The following BCAN variants were observed in gnomAD, a reference collection of about 807,000 sequenced individuals.
BCAN encodes brevican core protein.
A neutral mutation model predicts 92.4 loss-of-function variants in BCAN; 51 were observed. The ratio of observed to expected loss-of-function variants is 0.55; its 90% CI spans 0.44 to 0.70. BCAN has a LOEUF of 0.70. Ranked by LOEUF, BCAN falls within the 30% of genes least tolerant of loss-of-function variation. The probability of loss-of-function intolerance (pLI) is 0.00; values close to 1 mark genes in which losing one functional copy is unlikely to be tolerated. For synonymous variants in BCAN, 501 were observed against 505.2 expected, an observed-to-expected ratio of 0.99 and a Z score of 0.11; for missense variants, 1,140 against 1,212.1, an observed-to-expected ratio of 0.94 and a Z score of 0.88.
Position 156,659,102 on chromosome 1 carries a change from A to G in BCAN, c.2704A>G (p.Ile902Val), listed in dbSNP as rs1679441235. Residue 902 changes from isoleucine (I) to valine (V), a missense_variant, in exon 14 of 14, where the codon ATC becomes GTC. By Grantham distance (29) the Ile-to-Val change is conservative. Coordinates refer to ENST00000329117, the MANE Select transcript of BCAN (RefSeq NM_021948.5). ...ACTGGGACGCTGGAAGGCGCTGTTG[A>G]TCCCCCCTTCCAGCCCCATGCCAGG... Reference protein sequence around the residue: ...RLLGRWKALLIPPSSPMPGP With the variant: ...RLLGRWKALLVPPSSPMPGP 1 of 1,590,290 alleles carries G rather than the reference A, an allele frequency of 6.3e-7. No individual in the cohort carries two copies. The highest frequency in any genetic ancestry group is 8.5e-7 in the Non-Finnish European group (1 of 1,170,008).
At position 156,647,504 on chromosome 1, in the gene BCAN, A is replaced by C; in HGVS notation, c.467-4A>C. 2 of 1,553,908 alleles carry C rather than the reference A, an allele frequency of 1.3e-6. No homozygotes were observed. The highest frequency in any genetic ancestry group is 8.7e-7 in the Non-Finnish European group (1 of 1,152,336). On this transcript the variant is annotated splice_polypyrimidine_tract_variant and splice_region_variant and intron_variant, in intron 3 of 13. Coordinates refer to ENST00000329117, the MANE Select transcript of BCAN (RefSeq NM_021948.5). This position sits in a 1 kb window ranked among gnomAD's most constrained non-coding sequence, Gnocchi z 4.8. ...CTGGCTCAGGGGTCCTCTCTGCCCCACAGGGGTCGTCTTTCTCTACCGAGA... is the reference window on the plus strand; with the variant it reads ...CTGGCTCAGGGGTCCTCTCTGCCCCCCAGGGGTCGTCTTTCTCTACCGAGA...
At position 156,647,766 on chromosome 1, in the gene BCAN, C is replaced by G; in HGVS notation, c.641+84C>G. 1 of 1,554,442 alleles carries G rather than the reference C, an allele frequency of 6.4e-7. No individual in the cohort carries two copies. Among genetic ancestry groups the G allele is most frequent in the Non-Finnish European group, 8.8e-7 (1 of 1,140,976 alleles). The stretch of plus-strand genomic sequence containing the variant: ...TTCTGCTGGGTGCTGCCTGCTGTGT[C>G]AGGCTGGACATGCAGGGCTTTTTGC... On this transcript the variant is annotated intron_variant, in intron 4 of 13. Coordinates refer to ENST00000329117, the MANE Select transcript of BCAN (RefSeq NM_021948.5). The surrounding 1 kb of genome is among the most constrained non-coding windows in gnomAD (Gnocchi z 4.8).
Position 156,648,549 on chromosome 1 carries a change from C to A in BCAN, c.770-19C>A, listed in dbSNP as rs749270952. On this transcript the variant is annotated intron_variant, in intron 5 of 13. Coordinates refer to ENST00000329117, the MANE Select transcript of BCAN (RefSeq NM_021948.5). ...AGCTACCAGCTGCCTGATAACCCAG[C>A]CTTCTCTTCTCCACCCAGGAGAACT... 1.0e-5 allele frequency: 16 copies of A among 1,562,670 alleles called. No individual in the cohort carries two copies. The highest frequency in any genetic ancestry group is 1.4e-5 in the Non-Finnish European group (16 of 1,145,486).
Position 156,652,662 on chromosome 1 carries a change from G to A in BCAN, c.1712G>A (p.Gly571Asp). Residue 571 changes from glycine (G) to aspartate (D), a missense_variant, in exon 8 of 14, where the codon GGT (glycine) becomes GAT (aspartate). This residue lies in a region of BCAN where 825 missense variants were observed against 871.8 expected (regional missense o/e 0.95). Coordinates refer to ENST00000329117, the MANE Select transcript of BCAN (RefSeq NM_021948.5). The part of the protein sequence containing the change: ...EAREVGEATG[G>D]PELSGVPRGE... ...AGAGAGGTGGGGGAGGCAACTGGTG[G>A]TCCTGAGCTATCTGGGGTCCCTCGA... The A allele has an allele frequency of 3.1e-6, 5 of 1,613,490 alleles. No individual in the cohort carries two copies. The highest frequency in any genetic ancestry group is 4.2e-6 in the Non-Finnish European group (5 of 1,179,628).
intron 2 of BCAN, 78 bp downstream of exon 2, chr1:156,646,223 G>A: frequency 7.3e-7 from 1 of 1,378,804 alleles, no homozygotes; most frequent in Non-Finnish European, 1.0e-6. Context: ...GGGGCCCCAG[G>A]AAGAGAGAGA....
At chr1:156,657,138 TCTCA>T (rs1679363400) in intron 10 of BCAN, 42 bp downstream of exon 10, 3 of 1,591,164 alleles carry the variant, frequency 1.9e-6, no homozygotes, top group Middle Eastern at 1.7e-4. Flanking sequence ...TGCCATATGC[TCTCA>T]CTCTCTCTCA....
chr1:156,658,015 T>C lies in BCAN; in HGVS notation c.2293-112T>C. ...CGGGAGATCCCCTACCCCCTAGCCC[T>C]AACCTTCCCTCTCCTGGGGCCCCGC... On this transcript the variant is annotated intron_variant, in intron 11 of 13. Transcript: ENST00000329117. The surrounding 1 kb of genome is among the most constrained non-coding windows in gnomAD (Gnocchi z 4.4). 1 of 1,307,486 alleles carries C rather than the reference T, an allele frequency of 7.6e-7. No individual in the cohort carries two copies. The highest frequency in any genetic ancestry group is 1.4e-5 in the South Asian group (1 of 70,776). 81.0% of individuals were successfully genotyped at this position (1,307,486 alleles called of 1,614,324 possible).
rs751346420 is a variant in BCAN at position 156,651,444 on chromosome 1, C to T, written c.1064-12C>T. 13 of 1,609,030 alleles carry T rather than the reference C, an allele frequency of 8.1e-6. No individual in the cohort carries two copies. Among genetic ancestry groups the T allele is most frequent in the Middle Eastern group, 1.7e-4 (1 of 6,046 alleles). ...TATTCAGGCTCGCATCAATACTTTC[C>T]TCCTGCCACAGACTCGGCCCAGCCT... On this transcript the variant is annotated splice_polypyrimidine_tract_variant and intron_variant, in intron 6 of 13. Coordinates refer to ENST00000329117, the MANE Select transcript of BCAN (RefSeq NM_021948.5).
intron 8 of BCAN, among the ~76,000 whole-genome samples, chr1:156,655,390 G>A (rs1011092862): frequency 6.6e-6 from 1 of 152,258 alleles, no homozygotes; most frequent in Non-Finnish European, 1.5e-5. Flanking sequence ...AGGAGAGGGA[G>A]CCAGAAGGAG....
At chr1:156,657,407 A>G (rs564793216) in intron 10 of BCAN, 2 of 544,356 alleles carry the variant, frequency 3.7e-6, no homozygotes, top group Non-Finnish European at 6.4e-6. Flanking sequence ...GCCTCCTCCA[A>G]CTCCAACTCC....
intron 8 of BCAN, among the ~76,000 whole-genome samples, chr1:156,653,679 C>A (rs183601871): frequency 1.3e-5 from 2 of 152,280 alleles, no homozygotes; most frequent in African/African-American, 4.8e-5. Flanking sequence ...CCCCCAGCCT[C>A]TCCTTCTCAG....
intron 2 of BCAN, chr1:156,646,436 G>A (rs2102555584): frequency 2.0e-6 from 1 of 495,840 alleles, no homozygotes; most frequent in African/African-American, 1.9e-5. Flanking sequence ...CCCTGAAGGA[G>A]GCCCTAAAGG....
intron 1 of BCAN, among the ~76,000 whole-genome samples, chr1:156,645,177 C>T (rs905657943): frequency 2.6e-5 from 4 of 152,164 alleles, no homozygotes; most frequent in South Asian, 4.1e-4. Context: ...TATTCTCCCC[C>T]CCCTTAGTCC....
At chr1:156,645,235 G>A (rs1335962496) in intron 1 of BCAN, among the ~76,000 whole-genome samples, 2 of 152,212 alleles carry the variant, frequency 1.3e-5, no homozygotes, top group Non-Finnish European at 2.9e-5. Context: ...GGGAAGGGAG[G>A]GGCTGGATAG....
rs2102575072 is a variant in BCAN, at chr1:156,658,970, C to A, written c.2629-57C>A. On this transcript the variant is annotated intron_variant, in intron 13 of 13. Transcript: ENST00000329117. This position sits in a 1 kb window ranked among gnomAD's most constrained non-coding sequence, Gnocchi z 4.4. ...CTGAGCAAGAACATCAGAGGGCAGG[C>A]TCTGAGGAGAGGAGAAGGAAGAGCC... 1 of 1,474,690 alleles carries A rather than the reference C, an allele frequency of 6.8e-7. No homozygotes were observed. The highest frequency in any genetic ancestry group is 2.4e-5 in the East Asian group (1 of 42,472). The allele number at this position is 1,474,690 out of a possible 1,614,324, so 91.4% of individuals were successfully genotyped here.
In BCAN at chr1:156,651,450, C is replaced by A. The variant is rs767460070; in HGVS notation, c.1064-6C>A. ...GGCTCGCATCAATACTTTCCTCCTG[C>A]CACAGACTCGGCCCAGCCTTCTGCC... On this transcript the variant is annotated splice_polypyrimidine_tract_variant and splice_region_variant and intron_variant, in intron 6 of 13. Coordinates refer to ENST00000329117, the MANE Select transcript of BCAN (RefSeq NM_021948.5). The A allele has an allele frequency of 1.2e-6, 2 of 1,611,392 alleles. No homozygotes were observed. Among genetic ancestry groups the A allele is most frequent in the Non-Finnish European group, 1.7e-6 (2 of 1,178,386 alleles).
In BCAN at chr1:156,653,238, G is replaced by T. The variant is rs1679236091; in HGVS notation, c.1942+346G>T. ...TCCTCATCACCTATTGCAGCCTTCA[G>T]GGCTCGGCCTATTTTCCACTACTCC... On this transcript the variant is annotated intron_variant, in intron 8 of 13. Transcript: ENST00000329117. The T allele has an allele frequency of 3.2e-6, 4 of 1,243,638 alleles. No homozygotes were observed. In the South Asian group the frequency reaches 1.2e-4, roughly 38 times the overall value. The allele number at this position is 1,243,638 out of a possible 1,614,324, so 77.0% of individuals were successfully genotyped here. A position where few individuals can be genotyped will look rare whatever the true frequency, so the allele number is the denominator to read the frequency against.
intron 2 of BCAN, chr1:156,646,570 T>A: frequency 3.1e-6 from 2 of 647,380 alleles, no homozygotes; most frequent in Admixed American, 7.0e-5. Context: ...TCCTGGGGGC[T>A]GAATTGACTG....
chr1:156,652,998 A>C (rs1292426221), intron 8 of BCAN, 106 bp downstream of exon 8: 7 of 1,534,042 alleles, frequency 4.6e-6, no homozygotes, highest in East Asian at 4.6e-5. Context: ...ATCATCCCAA[A>C]CTCTCCTGTC....
Sources: gnomAD v4.1 joint callset for allele counts (sites outside exome capture counted in the v4.1 genomes callset) on GRCh38, gnomAD v4.1.1 for gene constraint, gnomAD v4.1.1 regional missense constraint, Gnocchi (gnomAD v3.1) non-coding constraint, MANE v1.5 for transcripts, NCBI Gene and HGNC (gene_info 2026-07-23, HGNC 2026-07-21) for gene names.